SVOPL: variants seen among roughly 807,000 people sequenced by gnomAD.
The protein encoded by SVOPL is putative transporter SVOPL.
In SVOPL, 60 loss-of-function variants were observed where a neutral mutation model predicts 61.0. The observed-to-expected ratio is 0.98, with a 90% CI of 0.80 to 1.22. The LOEUF (loss-of-function observed/expected upper bound fraction) is 1.22. Among genes scored for constraint, SVOPL ranks in the 50% most tolerant of loss-of-function variants. The pLI, the probability that SVOPL is intolerant of heterozygous loss-of-function variation, is 0.00. For missense variants in SVOPL, 662 were observed against 643.9 expected, an observed-to-expected ratio of 1.03 and a Z score of -0.30; for synonymous variants, 279 against 250.0, an observed-to-expected ratio of 1.12 and a Z score of -1.09.
chr7:138,662,780 C>T (rs770095250), intron 5 of SVOPL: 54 of 1,203,952 alleles, frequency 4.5e-5, no homozygotes, highest in Non-Finnish European at 5.3e-5. Flanking sequence ...AATAGAGCCA[C>T]TTAGCGGCCT....
At chr7:138,679,209 C>A (rs564507875) in intron 1 of SVOPL, 130 bp from the exon 2 acceptor site, 55 of 605,838 alleles carry the variant, frequency 9.1e-5, no homozygotes, top group African/African-American at 8.9e-4. Flanking sequence ...GTATTTTTAT[C>A]CTCTTTTCAC....
At chr7:138,606,470 G>T (rs1202555886) in intron 14 of SVOPL, among the ~76,000 whole-genome samples, 1 of 152,088 alleles carries the variant, frequency 6.6e-6, no homozygotes, top group Non-Finnish European at 1.5e-5. Flanking sequence ...GCAGCTGTGG[G>T]TATGTCTCAG....
chr7:138,697,760 A>G (rs1214466925), intron 1 of SVOPL, among the ~76,000 whole-genome samples: 1 of 151,604 alleles, frequency 6.6e-6, no homozygotes, highest in Non-Finnish European at 1.5e-5. Flanking sequence ...GAGAAGAAAA[A>G]GAAGAAGGAG....
chr7:138,620,108 GT>G (rs1196494059), intron 14 of SVOPL, among the ~76,000 whole-genome samples: 34 of 129,322 alleles, frequency 2.6e-4, no homozygotes, highest in Admixed American at 1.8e-3. Flanking sequence ...TTTCTTTTTT[GT>G]TTTTTTTCTG....
intron 5 of SVOPL, chr7:138,662,196 C>T (rs1006435487): frequency 6.1e-6 from 6 of 985,368 alleles, no homozygotes; most frequent in Non-Finnish European, 6.0e-6. Flanking sequence ...CTGCCTCTGC[C>T]TCATAGCAGC....
intron 13 of SVOPL, among the ~76,000 whole-genome samples, chr7:138,624,788 C>A (rs954784997): frequency 6.6e-6 from 1 of 151,762 alleles, no homozygotes; most frequent in African/African-American, 2.4e-5. Context: ...GCCTCCAACT[C>A]CTGCACTCAA....
chr7:138,660,619 C>T (rs1387638226), intron 5 of SVOPL: 15 of 985,286 alleles, frequency 1.5e-5, no homozygotes, highest in African/African-American at 1.7e-5. Flanking sequence ...CAGATCTTCT[C>T]ATTATTAAAA....
intron 14 of SVOPL, among the ~76,000 whole-genome samples, chr7:138,618,325 A>G (rs779368809): frequency 8.5e-5 from 13 of 152,146 alleles, no homozygotes; most frequent in Non-Finnish European, 1.5e-4. Context: ...TCCTTAGAGC[A>G]AAACTCTGTA....
chr7:138,660,062 C>T lies in SVOPL; in HGVS notation c.346-74G>A, dbSNP rs1037955017. On this transcript the variant is annotated intron_variant, in intron 5 of 15. Transcript: ENST00000674285. ...GGGAAGAAGCCCTAACTTCTGAAGGCGATTTTCGGTTTCCATCCTGATAGT... is the reference window on the plus strand; with the variant it reads ...GGGAAGAAGCCCTAACTTCTGAAGGTGATTTTCGGTTTCCATCCTGATAGT... The T allele has an allele frequency of 9.0e-5, 137 of 1,526,208 alleles. No individual in the cohort carries two copies. The Admixed American group carries it at 1.1e-3, about 13-fold the overall frequency. The allele number at this position is 1,526,208 out of a possible 1,614,324, so 94.5% of individuals were successfully genotyped here.
intron 9 of SVOPL, among the ~76,000 whole-genome samples, chr7:138,636,551 AC>A (rs1170061522): frequency 2.7e-5 from 4 of 150,758 alleles, no homozygotes; most frequent in Admixed American, 1.3e-4. Flanking sequence ...GCTCACTGCA[AC>A]CTCCACCTCC....
intron 1 of SVOPL, among the ~76,000 whole-genome samples, chr7:138,691,082 C>T (rs296912): frequency 0.27 from 40,308 of 151,984 alleles, 5,918 homozygotes; most frequent in African/African-American, 0.4. Flanking sequence ...GCCTGAATTG[C>T]ACTCTTTAAA....
At chr7:138,663,452 C>G (rs1429055103) in intron 4 of SVOPL, 3 of 1,209,302 alleles carry the variant, frequency 2.5e-6, no homozygotes, top group African/African-American at 3.1e-5. Flanking sequence ...TGAATTTCCA[C>G]TGTAATTTTT....
Position 138,663,407 on chromosome 7 carries a change from C to T in SVOPL, c.274-262G>A, listed in dbSNP as rs1476316259. On this transcript the variant is annotated intron_variant, in intron 4 of 15. Coordinates refer to ENST00000674285, the MANE Select transcript of SVOPL (RefSeq NM_001139456.2). The stretch of plus-strand genomic sequence containing the variant: ...CTGCCGCCCGCTTGTTGCTAGAGGA[C>T]GGCTTCGGCTCCACTCTATTCAGAT... 7 of 1,358,622 alleles carry T rather than the reference C, an allele frequency of 5.2e-6. No individual in the cohort carries two copies. The Admixed American group carries it at 1.2e-4, about 24-fold the overall frequency. 84.2% of individuals were successfully genotyped at this position (1,358,622 alleles called of 1,614,324 possible). A position where few individuals can be genotyped will look rare whatever the true frequency, so the allele number is the denominator to read the frequency against.
At position 138,649,552 on chromosome 7, in the gene SVOPL, C is replaced by T. The variant is rs181392964; in HGVS notation, c.535-415G>A. Among the ~76,000 whole-genome samples, 560 of 152,306 alleles carry T rather than the reference C, an allele frequency of 3.7e-3. 3 individuals are homozygous for T. The highest frequency in any genetic ancestry group is 0.013 in the Admixed American group (195 of 15,288). ...CCTCAAATGATCCACCCACGTTAGC[C>T]TCCCAAAATGCTGGGATTACAGGTG... On this transcript the variant is annotated intron_variant, in intron 7 of 15. Transcript: ENST00000674285.
chr7:138,605,884 G>A (rs972096558), intron 14 of SVOPL, among the ~76,000 whole-genome samples: 5 of 152,094 alleles, frequency 3.3e-5, no homozygotes, highest in African/African-American at 1.2e-4. Flanking sequence ...GCCTTCGGGT[G>A]TTTTCCAATC....
At chr7:138,612,271 G>A (rs868539672) in intron 14 of SVOPL, among the ~76,000 whole-genome samples, 427 of 34,766 alleles carry the variant, frequency 0.012, 70 homozygotes, top group Middle Eastern at 0.054. Context: ...AAGGCCGCAG[G>A]GTCCTCTGCC....
chr7:138,654,329 CTGATT>C (rs995521783), intron 7 of SVOPL, among the ~76,000 whole-genome samples: 4 of 152,008 alleles, frequency 2.6e-5, no homozygotes, highest in African/African-American at 9.7e-5. Flanking sequence ...CCTAATTATC[CTGATT>C]TGATTACACG....
In SVOPL at chr7:138,595,457, C is replaced by T. The variant is rs920504035; in HGVS notation, c.1468-836G>A. On this transcript the variant is annotated intron_variant, in intron 15 of 15. Coordinates refer to ENST00000674285, the MANE Select transcript of SVOPL (RefSeq NM_001139456.2). Reference sequence around the variant, plus strand: ...CATGCAGAATCATTTCCCCATAGTGCTAAAACCAAGTCCCAGTCAACAGAA... The same window carrying T: ...CATGCAGAATCATTTCCCCATAGTGTTAAAACCAAGTCCCAGTCAACAGAA... Among the ~76,000 whole-genome samples, 22 of 152,132 alleles carry T rather than the reference C, an allele frequency of 1.4e-4. 1 individual carries two copies. The highest frequency in any genetic ancestry group is 1.5e-5 in the Non-Finnish European group (1 of 68,024).
At chr7:138,596,784 G>A in intron 14 of SVOPL, 1 of 1,145,720 alleles carries the variant, frequency 8.7e-7, no homozygotes. Context: ...CACCTGTCAG[G>A]CATCTCCAGA....
Sources: gnomAD v4.1 joint callset for allele counts (sites outside exome capture counted in the v4.1 genomes callset) on GRCh38, gnomAD v4.1.1 for gene constraint, MANE v1.5 for transcripts, NCBI Gene and HGNC (gene_info 2026-07-23, HGNC 2026-07-21) for gene names.